The following DPF2 variants were observed in gnomAD, a reference collection of about 807,000 sequenced individuals.
The protein encoded by DPF2 is zinc finger protein ubi-d4.
Under a neutral mutation model 59.6 loss-of-function variants are expected in DPF2, and 10 were observed. The observed-to-expected ratio is 0.17, with a 90% CI of 0.10 to 0.28. The LOEUF (loss-of-function observed/expected upper bound fraction) is 0.28, where lower values mean the gene tolerates loss of function less well. Ranked by LOEUF, DPF2 falls within the 10% of genes least tolerant of loss-of-function variation. The pLI, the probability that DPF2 is intolerant of heterozygous loss-of-function variation, is 1.00. For missense variants in DPF2, 315 were observed against 509.4 expected (o/e 0.62, Z 3.67); for synonymous variants, 189 against 190.6 (o/e 0.99, Z 0.07).
intron 1 of DPF2, among the ~76,000 whole-genome samples, chr11:65,334,327 G>C (rs1447251962): frequency 7.3e-6 from 1 of 137,012 alleles, no homozygotes; most frequent in Admixed American, 7.2e-5. Context: ...GTCCCGTCCC[G>C]TTCGCTGCAG....
intron 6 of DPF2, 71 bp from the exon 7 acceptor site, chr11:65,345,595 C>T (rs1590936317): frequency 1.3e-6 from 2 of 1,587,044 alleles, no homozygotes; most frequent in African/African-American, 2.7e-5. Flanking sequence ...GGAGCCCCCA[C>T]AGCTTGCAGG....
At position 65,348,927 on chromosome 11, in the gene DPF2, T is replaced by G. The variant is rs748703811; in HGVS notation, c.1095T>G (p.Pro365=). 1 of 1,614,108 alleles carries G rather than the reference T, an allele frequency of 6.2e-7. No individual in the cohort carries two copies. The highest frequency in any genetic ancestry group is 8.5e-7 in the Non-Finnish European group (1 of 1,180,046). The change falls in exon 10 of 11, where the codon CCT becomes CCG. Residue 365 remains proline (P), a synonymous_variant. Transcript: ENST00000528416. The part of the protein sequence containing the change: ...YCLTPSMSEP[P]EGSWSCHLCL... ...TCACCCCGTCCATGTCTGAGCCCCCTGAAGGTAAGTTGCCCAGATCTTTTA... is the reference window on the plus strand; with the variant it reads ...TCACCCCGTCCATGTCTGAGCCCCCGGAAGGTAAGTTGCCCAGATCTTTTA...
At chr11:65,334,648 A>G (rs985815322) in intron 1 of DPF2, among the ~76,000 whole-genome samples, 31 of 152,200 alleles carry the variant, frequency 2.0e-4, no homozygotes, top group East Asian at 3.8e-4. Flanking sequence ...ATTTCAAGCA[A>G]AGTTAAAGTT....
Position 65,333,904 on chromosome 11 carries a change from G to A in DPF2, c.18G>A (p.Glu6=). The change falls in exon 1 of 11, where the codon GAG becomes GAA. Residue 6 remains glutamate (E), a synonymous_variant. Transcript: ENST00000528416. ...CAGGGAAGATGGCGGCTGTGGTGGA[G>A]AATGTAGTGAAGCTGTGAGTGGTCG... MAAVV[E]NVVKLLGEQY... is the part of the protein sequence containing the mutation. 1 of 1,613,982 alleles carries A rather than the reference G, an allele frequency of 6.2e-7. No homozygotes were observed. Among genetic ancestry groups the A allele is most frequent in the Middle Eastern group, 1.7e-4 (1 of 6,060 alleles).
chr11:65,343,293 C>A, intron 4 of DPF2, among the ~76,000 whole-genome samples: 1 of 119,298 alleles, frequency 8.4e-6, no homozygotes, highest in Non-Finnish European at 1.7e-5. Context: ...GAGCGAAACT[C>A]TGTCTCAAAA....
chr11:65,339,242 TA>T (rs561028492), intron 1 of DPF2, among the ~76,000 whole-genome samples: 364 of 137,956 alleles, frequency 2.6e-3, no homozygotes, highest in Middle Eastern at 3.7e-3. Flanking sequence ...CCTTGTCTCT[TA>T]AAAAAAAAAA....
At position 65,346,558 on chromosome 11, in the gene DPF2, G is replaced by C. The variant is rs949763387; in HGVS notation, c.1017+199G>C. 24 of 541,230 alleles carry C rather than the reference G, an allele frequency of 4.4e-5. No individual in the cohort carries two copies. In the East Asian group the frequency reaches 6.1e-4, roughly 14 times the overall value. The allele number at this position is 541,230 out of a possible 1,614,324, so 33.5% of individuals were successfully genotyped here. ...GAGTGCTGATTTTATGTCAGACACT[G>C]TTCTAGTCACTAAAGATGCTAAAGA... On this transcript the variant is annotated intron_variant, in intron 9 of 10. Coordinates refer to ENST00000528416, the MANE Select transcript of DPF2 (RefSeq NM_006268.5).
chr11:65,336,093 G>A (rs1337191891), intron 1 of DPF2, among the ~76,000 whole-genome samples: 2 of 151,988 alleles, frequency 1.3e-5, no homozygotes, highest in Non-Finnish European at 2.9e-5. Flanking sequence ...GATTATAGGC[G>A]TGAGCCACCA....
At chr11:65,350,196 T>C (rs1854652251) in intron 10 of DPF2, among the ~76,000 whole-genome samples, 1 of 152,104 alleles carries the variant, frequency 6.6e-6, no homozygotes, top group Non-Finnish European at 1.5e-5. Context: ...CAGGCCCGAG[T>C]GTCCTCACTG....
intron 6 of DPF2, chr11:65,344,416 TC>T: frequency 1.5e-6 from 1 of 677,512 alleles, no homozygotes; most frequent in South Asian, 2.0e-5. Context: ...CAACGTCTGT[TC>T]TCTTTTTCTT....
chr11:65,340,030 T>C (rs1293284553), intron 1 of DPF2, among the ~76,000 whole-genome samples: 2 of 152,220 alleles, frequency 1.3e-5, no homozygotes, highest in East Asian at 1.9e-4. Context: ...TATCATCTGC[T>C]TCTTAGCCTC....
chr11:65,341,264 A>C (rs1415685858), intron 3 of DPF2, 135 bp from the exon 4 acceptor site: 1 of 1,351,662 alleles, frequency 7.4e-7, no homozygotes, highest in African/African-American at 1.5e-5. Flanking sequence ...CAAGTGAACT[A>C]GGGTGTCTTA....
rs2137692392 is a variant in DPF2 at position 65,340,963 on chromosome 11, C to A, written c.194-3C>A. ...CTGACTTCTATCTTTCTTCCTGCCA[C>A]AGGATTGGCCTCCGGACAGCTGTAC... is the stretch of plus-strand genomic sequence containing the variant. On this transcript the variant is annotated splice_region_variant and splice_polypyrimidine_tract_variant and intron_variant, in intron 2 of 10. Transcript: ENST00000528416. The A allele has an allele frequency of 6.2e-7, 1 of 1,613,880 alleles. No homozygotes were observed. Among genetic ancestry groups the A allele is most frequent in the Non-Finnish European group, 8.5e-7 (1 of 1,179,930 alleles).
At chr11:65,343,858 C>T (rs1854451599) in intron 5 of DPF2, 21 bp downstream of exon 5, 1 of 1,583,042 alleles carries the variant, frequency 6.3e-7, no homozygotes, top group South Asian at 1.1e-5. Context: ...AGCGTGCTGC[C>T]TGCATCTTGG....
intron 1 of DPF2, among the ~76,000 whole-genome samples, chr11:65,338,430 C>T (rs1704699259): frequency 1.3e-5 from 2 of 152,256 alleles, no homozygotes; most frequent in Admixed American, 1.3e-4. Context: ...TGTTTCCAGC[C>T]TCCTTGCTCT....
rs899776606 is a variant in DPF2 at position 65,353,332 on chromosome 11, A to C, written c.*1573A>C. ...CATAGATGGAAGTGATGACAGGTTT[A>C]TAACAGTTGACCTTGCAATCTCAGA... is the stretch of plus-strand genomic sequence containing the variant. On this transcript the variant is annotated 3_prime_UTR_variant, in exon 11 of 11. Coordinates refer to ENST00000528416, the MANE Select transcript of DPF2 (RefSeq NM_006268.5). 6 of 152,254 alleles carry C rather than the reference A, an allele frequency of 3.9e-5. No individual in the cohort carries two copies. Among genetic ancestry groups the C allele is most frequent in the Non-Finnish European group, 8.8e-5 (6 of 68,050 alleles). The allele number at this position is 152,254 out of a possible 1,614,324, so 9.4% of individuals were successfully genotyped here.
chr11:65,345,965 A>C lies in DPF2; in HGVS notation c.811A>C (p.Asn271His). The change falls in exon 8 of 11, where the codon AAC becomes CAC. Residue 271 changes from asparagine (N) to histidine (H), a missense_variant. Asn to His is a moderately conservative substitution (Grantham distance 68, BLOSUM62 1). This residue lies in a region of DPF2 where 58 missense variants were observed against 84.6 expected (regional missense o/e 0.69). Coordinates refer to ENST00000528416, the MANE Select transcript of DPF2 (RefSeq NM_006268.5). The stretch of plus-strand genomic sequence containing the variant: ...TCCTGATGGATTGGCCTTGCCCAAC[A>C]ACTACTGTGACTTCTGCCTGGGGGA... ...KGPDGLALPN[N>H]YCDFCLGDSK... 6.2e-7 allele frequency: 1 copy of C among 1,614,164 alleles called. No individual in the cohort carries two copies. Among genetic ancestry groups the C allele is most frequent in the Non-Finnish European group, 8.5e-7 (1 of 1,180,018 alleles).
At chr11:65,346,923 G>C (rs1408682134) in intron 9 of DPF2, 2 of 152,552 alleles carry the variant, frequency 1.3e-5, no homozygotes, top group African/African-American at 4.8e-5. Flanking sequence ...AGCACTGCCA[G>C]ATCTCTGGGG....
chr11:65,334,231 C>G (rs574473761), intron 1 of DPF2, among the ~76,000 whole-genome samples: 2 of 152,352 alleles, frequency 1.3e-5, no homozygotes, highest in East Asian at 1.9e-4. Context: ...CTCACCGTCC[C>G]GGTCCTCTCC....
Sources: gnomAD v4.1 joint callset for allele counts (sites outside exome capture counted in the v4.1 genomes callset) on GRCh38, gnomAD v4.1.1 for gene constraint, gnomAD v4.1.1 regional missense constraint, MANE v1.5 for transcripts, NCBI Gene and HGNC (gene_info 2026-07-23, HGNC 2026-07-21) for gene names.